The following GRM1 variants were observed in gnomAD, a reference collection of about 807,000 sequenced individuals.
GRM1 encodes metabotropic glutamate receptor 1.
GRM1 carries 33 observed loss-of-function variants against 90.9 expected under a neutral mutation model. The ratio of observed to expected loss-of-function variants is 0.36; its 90% CI spans 0.28 to 0.49. The LOEUF (loss-of-function observed/expected upper bound fraction) is 0.49, where lower values mean the gene tolerates loss of function less well. Ranked by LOEUF, GRM1 falls within the 20% of genes least tolerant of loss-of-function variation. GRM1 has a pLI of 0.99. For synonymous variants in GRM1, 700 were observed against 613.2 expected (o/e 1.14, Z -2.09); for missense variants, 1,190 against 1,534.3 (o/e 0.78, Z 3.75).
At chr6:146,422,858 G>C (rs1316253607) in intron 7 of GRM1, among the ~76,000 whole-genome samples, 1 of 151,578 alleles carries the variant, frequency 6.6e-6, no homozygotes, top group Non-Finnish European at 1.5e-5. Context: ...AAGTTACGCA[G>C]AATCCATCAG....
chr6:146,093,516 C>G lies in GRM1; in HGVS notation c.700+63299C>G, dbSNP rs957979957. Among the ~76,000 whole-genome samples the G allele has an allele frequency of 4.6e-5, 7 of 152,134 alleles. No homozygotes were observed. In the East Asian group the frequency reaches 7.7e-4, roughly 17 times the overall value. On this transcript the variant is annotated intron_variant, in intron 1 of 7. Transcript: ENST00000282753. ...AGCCCATATTCTGGATTCCTCCTCT[C>G]TAACATCCTTTGTGGCTGGCCCTCA...
intron 1 of GRM1, among the ~76,000 whole-genome samples, chr6:146,082,959 G>A (rs1776414773): frequency 6.6e-6 from 1 of 152,110 alleles, no homozygotes; most frequent in Admixed American, 6.6e-5. Context: ...CACATCCCTT[G>A]TTAGCTGTAT....
rs564027197 is a variant in GRM1 at position 146,344,849 on chromosome 6, T to C, written c.1187-7401T>C. 3.3e-5 allele frequency among the ~76,000 whole-genome samples: 5 copies of C among 152,318 alleles called. No individual in the cohort carries two copies. The East Asian group carries it at 7.7e-4, about 23-fold the overall frequency. ...TTTTTGAGACGGAGTTTCACTCTTG[T>C]TGCCCAGGCTGGAGTGCAATGGCAT... is the stretch of plus-strand genomic sequence containing the variant. On this transcript the variant is annotated intron_variant, in intron 3 of 7. Transcript: ENST00000282753.
chr6:146,410,842 A>G (rs116381645), intron 7 of GRM1, among the ~76,000 whole-genome samples: 2,756 of 152,286 alleles, frequency 0.018, 85 homozygotes, highest in African/African-American at 0.063. Context: ...CTTATAAGGA[A>G]TGTTTGTTTA....
At chr6:146,349,660 G>T (rs1785323717) in intron 3 of GRM1, among the ~76,000 whole-genome samples, 3 of 151,802 alleles carry the variant, frequency 2.0e-5, no homozygotes, top group African/African-American at 7.3e-5. Flanking sequence ...CCTTTTACAA[G>T]AATTTAAGTC....
At chr6:146,132,284 G>GT (rs991766084) in intron 1 of GRM1, among the ~76,000 whole-genome samples, 1 of 151,742 alleles carries the variant, frequency 6.6e-6, no homozygotes, top group Non-Finnish European at 1.5e-5. Context: ...AGTGGATGTG[G>GT]TGGGGGGGGA....
intron 1 of GRM1, among the ~76,000 whole-genome samples, chr6:146,031,269 C>T (rs979854210): frequency 6.6e-6 from 1 of 152,160 alleles, no homozygotes; most frequent in Non-Finnish European, 1.5e-5. Context: ...TATAAATTAA[C>T]ATCTAGGACA....
intron 1 of GRM1, among the ~76,000 whole-genome samples, chr6:146,044,553 TA>T (rs1224010397): frequency 1.3e-5 from 2 of 152,104 alleles, no homozygotes; most frequent in East Asian, 3.9e-4. Context: ...CTATGTCTCT[TA>T]AACCTGTTAA....
At chr6:146,050,442 A>G (rs1317410817) in intron 1 of GRM1, among the ~76,000 whole-genome samples, 1 of 152,062 alleles carries the variant, frequency 6.6e-6, no homozygotes, top group Non-Finnish European at 1.5e-5. Flanking sequence ...TGATCCTTGA[A>G]AAACCTTCAA....
intron 2 of GRM1, among the ~76,000 whole-genome samples, chr6:146,294,415 T>C (rs577575908): frequency 6.6e-6 from 1 of 152,196 alleles, no homozygotes; most frequent in Non-Finnish European, 1.5e-5. Context: ...AAGATTCTAA[T>C]TTAATTTATG....
chr6:146,122,020 T>C (rs1302682565), intron 1 of GRM1, among the ~76,000 whole-genome samples: 3 of 152,184 alleles, frequency 2.0e-5, no homozygotes. Flanking sequence ...CCGTCTAATA[T>C]TGACAGTGGG....
rs1554296829 is a variant in GRM1, at chr6:146,322,574, C to CTTTTATTTTCTTTTATTTTA, written c.1186+17737_1186+17738insCTTTTATTTTATTTTATTTT. 6.9e-4 allele frequency among the ~76,000 whole-genome samples: 100 copies of CTTTTATTTTCTTTTATTTTA among 144,968 alleles called. 1 individual carries two copies. Among genetic ancestry groups the CTTTTATTTTCTTTTATTTTA allele is most frequent in the African/African-American group, 2.6e-3 (97 of 37,186 alleles). On this transcript the variant is annotated intron_variant, in intron 3 of 7. Transcript: ENST00000282753. ...GCACCTGACTGGGGCTGCTGCCTTT[C>CTTTTATTTTCTTTTATTTTA]TTTTATTTTATTTTATTTTATTTTA...
At chr6:146,049,655 CT>C (rs1338538958) in intron 1 of GRM1, among the ~76,000 whole-genome samples, 1 of 42,558 alleles carries the variant, frequency 2.3e-5, no homozygotes, top group Admixed American at 2.0e-4. Context: ...CCTTTCATAT[CT>C]ATCTATCTAT....
At chr6:146,210,981 ACCCTCTTATGTGAC>A (rs1198620803) in intron 2 of GRM1, among the ~76,000 whole-genome samples, 1 of 151,920 alleles carries the variant, frequency 6.6e-6, no homozygotes, top group Non-Finnish European at 1.5e-5. Context: ...TATGCACACC[ACCCTCTTATGTGAC>A]CCTTTCGGAA....
intron 5 of GRM1, among the ~76,000 whole-genome samples, chr6:146,358,194 A>G (rs775587758): frequency 1.4e-4 from 22 of 152,070 alleles, no homozygotes; most frequent in Non-Finnish European, 3.1e-4. Context: ...TCTACAAAAG[A>G]CAGCGTCCCC....
At chr6:146,257,516 GTA>G (rs58614139) in intron 2 of GRM1, among the ~76,000 whole-genome samples, 10,491 of 149,498 alleles carry the variant, frequency 0.07, 439 homozygotes, top group African/African-American at 0.12. Flanking sequence ...TAATATGTGT[GTA>G]TATATATATA....
intron 2 of GRM1, among the ~76,000 whole-genome samples, chr6:146,288,050 T>C (rs1002501071): frequency 1.3e-5 from 2 of 152,214 alleles, no homozygotes; most frequent in Non-Finnish European, 1.5e-5. Context: ...AACACATACA[T>C]AGAAATGTGA....
chr6:146,292,726 AC>A, intron 2 of GRM1, among the ~76,000 whole-genome samples: 1 of 152,104 alleles, frequency 6.6e-6, no homozygotes, highest in African/African-American at 2.4e-5. Flanking sequence ...AAAAAGCTAA[AC>A]ATAGAATTAC....
chr6:146,283,633 T>C (rs984205840), intron 2 of GRM1, among the ~76,000 whole-genome samples: 1 of 152,230 alleles, frequency 6.6e-6, no homozygotes, highest in African/African-American at 2.4e-5. Flanking sequence ...TCATATTTAT[T>C]AAACACTTGC....
Sources: allele counts gnomAD v4.1 joint callset (sites outside exome capture counted in the v4.1 genomes callset), GRCh38; gene constraint gnomAD v4.1.1; transcripts MANE v1.5; gene names NCBI Gene and HGNC (gene_info 2026-07-23, HGNC 2026-07-21).